Variants in EXOC6B observed in about 807,000 individuals in gnomAD.
The protein encoded by EXOC6B is exocyst complex component 6B.
Under a neutral mutation model 113.5 loss-of-function variants are expected in EXOC6B, and 54 were observed. The ratio of observed to expected loss-of-function variants is 0.48; its 90% CI spans 0.38 to 0.60. The LOEUF is 0.60. EXOC6B is among the 20% of genes least tolerant of loss of function. The pLI, the probability that EXOC6B is intolerant of heterozygous loss-of-function variation, is 0.00. For synonymous variants in EXOC6B, 357 were observed against 339.0 expected, an observed-to-expected ratio of 1.05 and a Z score of -0.58; for missense variants, 797 against 977.5, an observed-to-expected ratio of 0.82 and a Z score of 2.46.
chr2:72,813,631 T>C (rs1163305128), intron 1 of EXOC6B, among the ~76,000 whole-genome samples: 1 of 152,220 alleles, frequency 6.6e-6, no homozygotes, highest in Non-Finnish European at 1.5e-5. Context: ...TTAAAAAATG[T>C]ATTCCATAAA....
chr2:72,710,948 T>G (rs1679237383), intron 6 of EXOC6B, among the ~76,000 whole-genome samples: 1 of 152,180 alleles, frequency 6.6e-6, no homozygotes, highest in African/African-American at 2.4e-5. Flanking sequence ...AAGTTAGAAT[T>G]GTAAAAGTAA....
intron 20 of EXOC6B, among the ~76,000 whole-genome samples, chr2:72,285,494 A>T (rs1685371683): frequency 6.6e-6 from 1 of 152,096 alleles, no homozygotes. Context: ...CTACAAATGG[A>T]TCACAGAAAT....
intron 20 of EXOC6B, among the ~76,000 whole-genome samples, chr2:72,241,987 G>C (rs1037501836): frequency 1.3e-5 from 2 of 152,072 alleles, no homozygotes; most frequent in African/African-American, 4.8e-5. Context: ...TGGGAGGATT[G>C]CTTGAGCCCA....
chr2:72,712,115 G>A (rs1162078997), intron 6 of EXOC6B, among the ~76,000 whole-genome samples: 1 of 152,044 alleles, frequency 6.6e-6, no homozygotes, highest in African/African-American at 2.4e-5. Context: ...CAGGTATATT[G>A]GAAGAAAGAC....
chr2:72,507,955 A>G (rs1356824727), intron 11 of EXOC6B, among the ~76,000 whole-genome samples: 1 of 136,424 alleles, frequency 7.3e-6, no homozygotes, highest in Admixed American at 7.4e-5. Context: ...ATTGCTTTAG[A>G]AAAAAAAAAA....
At chr2:72,299,365 T>A (rs753175036) in intron 20 of EXOC6B, among the ~76,000 whole-genome samples, 4 of 151,940 alleles carry the variant, frequency 2.6e-5, no homozygotes, top group Non-Finnish European at 4.4e-5. Context: ...CTAAACTGGT[T>A]ATTCTAGGTA....
chr2:72,534,437 A>G (rs1159851055), intron 8 of EXOC6B, among the ~76,000 whole-genome samples: 1 of 152,158 alleles, frequency 6.6e-6, no homozygotes, highest in Non-Finnish European at 1.5e-5. Context: ...TCTATGTTTC[A>G]GGTTTAAAAG....
At chr2:72,598,177 G>A (rs1670195308) in intron 6 of EXOC6B, among the ~76,000 whole-genome samples, 1 of 151,700 alleles carries the variant, frequency 6.6e-6, no homozygotes, top group Non-Finnish European at 1.5e-5. Flanking sequence ...CACACTGATG[G>A]CCATAAAACA....
intron 20 of EXOC6B, among the ~76,000 whole-genome samples, chr2:72,195,855 CATT>C (rs1033288546): frequency 2.0e-5 from 3 of 152,204 alleles, no homozygotes; most frequent in Non-Finnish European, 1.5e-5. Context: ...TATTTGTATT[CATT>C]ATTATGAAAA....
chr2:72,504,144 G>A (rs1700480517), intron 11 of EXOC6B, among the ~76,000 whole-genome samples: 1 of 152,144 alleles, frequency 6.6e-6, no homozygotes, highest in Non-Finnish European at 1.5e-5. Flanking sequence ...CTGGAATCAA[G>A]TGATCTTCCT....
At chr2:72,792,968 T>G (rs1038021437) in intron 1 of EXOC6B, among the ~76,000 whole-genome samples, 13 of 152,194 alleles carry the variant, frequency 8.5e-5, no homozygotes, top group African/African-American at 3.1e-4. Context: ...TTCTGTTTAT[T>G]TCAGTATTAT....
intron 2 of EXOC6B, among the ~76,000 whole-genome samples, chr2:72,739,626 T>C (rs1190020084): frequency 1.3e-5 from 2 of 152,112 alleles, no homozygotes; most frequent in Non-Finnish European, 2.9e-5. Context: ...CTATATTTTC[T>C]ACTAGTTCTT....
At chr2:72,711,543 A>G (rs534332005) in intron 6 of EXOC6B, among the ~76,000 whole-genome samples, 4 of 152,322 alleles carry the variant, frequency 2.6e-5, no homozygotes, top group Admixed American at 2.6e-4. Context: ...CCCTGAAACC[A>G]TGGATAGTAC....
chr2:72,207,146 A>G (rs1200240950), intron 20 of EXOC6B, among the ~76,000 whole-genome samples: 2 of 152,246 alleles, frequency 1.3e-5, no homozygotes, highest in Non-Finnish European at 2.9e-5. Flanking sequence ...AAGACTTCAC[A>G]GAATCTATTT....
chr2:72,291,495 C>T (rs1462845450), intron 20 of EXOC6B, among the ~76,000 whole-genome samples: 1 of 152,166 alleles, frequency 6.6e-6, no homozygotes, highest in Non-Finnish European at 1.5e-5. Flanking sequence ...ATCTCAGCGG[C>T]TGAGAAGGGA....
At chr2:72,676,150 A>C (rs979150764) in intron 6 of EXOC6B, among the ~76,000 whole-genome samples, 2 of 152,076 alleles carry the variant, frequency 1.3e-5, no homozygotes, top group Non-Finnish European at 1.5e-5. Flanking sequence ...AAGAAGAAGA[A>C]GAAGAAGGTT....
rs577226245 is a variant in EXOC6B at position 72,404,377 on chromosome 2, G to A, written c.1981-24507C>T. On this transcript the variant is annotated intron_variant, in intron 18 of 21. Coordinates refer to ENST00000272427, the MANE Select transcript of EXOC6B (RefSeq NM_015189.3). ...AAGAGAGTAGTGGTTCTCCCAGCAC[G>A]CAGCTGGAGATCTGAGAATGGACAG... Among the ~76,000 whole-genome samples the A allele has an allele frequency of 4.6e-5, 7 of 152,316 alleles. No individual in the cohort carries two copies. The East Asian group carries it at 5.8e-4, about 13-fold the overall frequency.
Position 72,404,144 on chromosome 2 carries a change from C to T in EXOC6B, c.1981-24274G>A, listed in dbSNP as rs191735051. Reference sequence around the variant, plus strand: ...AGCAGTCTGATATCAAACTGCAAGGCAGCGGGGAGGCTGGGGGAGGGGCGC... The same window carrying T: ...AGCAGTCTGATATCAAACTGCAAGGTAGCGGGGAGGCTGGGGGAGGGGCGC... On this transcript the variant is annotated intron_variant, in intron 18 of 21. Coordinates refer to ENST00000272427, the MANE Select transcript of EXOC6B (RefSeq NM_015189.3). Among the ~76,000 whole-genome samples the T allele has an allele frequency of 2.6e-3, 397 of 152,300 alleles. 1 individual carries two copies. The highest frequency in any genetic ancestry group is 9.0e-3 in the African/African-American group (374 of 41,582).
chr2:72,458,092 T>C (rs1462408749), intron 18 of EXOC6B, among the ~76,000 whole-genome samples: 1 of 152,158 alleles, frequency 6.6e-6, no homozygotes, highest in Non-Finnish European at 1.5e-5. Flanking sequence ...AGACAGAATT[T>C]GCCTTGTCTT....
Sources: gnomAD v4.1 joint callset for allele counts (sites outside exome capture counted in the v4.1 genomes callset) on GRCh38, gnomAD v4.1.1 for gene constraint, MANE v1.5 for transcripts, NCBI Gene and HGNC (gene_info 2026-07-23, HGNC 2026-07-21) for gene names.